Variants in EYS observed in about 807,000 individuals in gnomAD.
EYS encodes the protein EGF-like photoreceptor maintenance factor, also known as protein eyes shut homolog.
In EYS, 250 loss-of-function variants were observed where a neutral mutation model predicts 282.1. The observed-to-expected ratio is 0.89, with a 90% CI of 0.80 to 0.98. The LOEUF (loss-of-function observed/expected upper bound fraction) is 0.98. Ranked by LOEUF, EYS falls within the 50% of genes least tolerant of loss-of-function variation. The pLI, the probability that EYS is intolerant of heterozygous loss-of-function variation, is 0.00. For synonymous variants in EYS, 1,355 were observed against 1,282.9 expected (o/e 1.06, Z -1.20); for missense variants, 4,016 against 3,709.0 (o/e 1.08, Z -2.15).
rs1399631904 is a variant in EYS at position 63,726,504 on chromosome 6, G to A, written c.8233+15C>T. 5.2e-6 allele frequency: 8 copies of A among 1,542,766 alleles called. No individual in the cohort carries two copies. Among genetic ancestry groups the A allele is most frequent in the Non-Finnish European group, 7.0e-6 (8 of 1,142,942 alleles). On this transcript the variant is annotated intron_variant, in intron 42 of 42. Coordinates refer to ENST00000503581, the MANE Select transcript of EYS (RefSeq NM_001142800.2). ...TAGGAATTCATTCTGCAAACAAACA[G>A]CCTGCCAATCTTACCTGATTGGGCT... is the stretch of plus-strand genomic sequence containing the variant.
chr6:64,362,819 A>AT (rs1013853215), intron 29 of EYS, among the ~76,000 whole-genome samples: 11 of 151,840 alleles, frequency 7.2e-5, no homozygotes, highest in African/African-American at 2.7e-4. Flanking sequence ...GGTTATTATT[A>AT]TAAAGCCACT....
intron 9 of EYS, 54 bp downstream of exon 9, chr6:65,353,404 A>T: frequency 6.6e-7 from 1 of 1,515,906 alleles, no homozygotes; most frequent in Non-Finnish European, 9.2e-7. Context: ...ATACGTGACT[A>T]GCAAATTTTG....
At chr6:63,963,111 G>T (rs1052192382) in intron 35 of EYS, among the ~76,000 whole-genome samples, 2 of 150,802 alleles carry the variant, frequency 1.3e-5, no homozygotes, top group Non-Finnish European at 3.0e-5. Flanking sequence ...GCCTGTTGTG[G>T]GGTGGGGGGA....
chr6:64,993,813 T>C (rs2150124022), intron 14 of EYS, among the ~76,000 whole-genome samples: 1 of 151,374 alleles, frequency 6.6e-6, no homozygotes, highest in Admixed American at 6.6e-5. Context: ...TTTTTTTTTT[T>C]AGAAGACATA....
chr6:64,137,744 A>C (rs1774209233), intron 31 of EYS, among the ~76,000 whole-genome samples: 1 of 152,126 alleles, frequency 6.6e-6, no homozygotes, highest in African/African-American at 2.4e-5. Context: ...AAACAATGAC[A>C]GTAGTAATAT....
intron 26 of EYS, among the ~76,000 whole-genome samples, chr6:64,551,672 GACCACAAGC>G (rs1765087384): frequency 6.6e-6 from 1 of 151,550 alleles, no homozygotes; most frequent in Non-Finnish European, 1.5e-5. Flanking sequence ...GAGTACCAAG[GACCACAAGC>G]ACCCGCCACC....
chr6:64,090,007 G>T (rs945729934), intron 31 of EYS, among the ~76,000 whole-genome samples: 3 of 151,944 alleles, frequency 2.0e-5, no homozygotes, highest in Non-Finnish European at 4.4e-5. Context: ...ATCATGATTT[G>T]CTATTTGATC....
intron 22 of EYS, among the ~76,000 whole-genome samples, chr6:64,760,087 T>G (rs572726083): frequency 6.6e-6 from 1 of 152,218 alleles, no homozygotes; most frequent in Non-Finnish European, 1.5e-5. Context: ...TTACACTTGT[T>G]GGAATGCTGA....
chr6:64,465,297 A>C (rs1344177560), intron 26 of EYS, among the ~76,000 whole-genome samples: 1 of 152,138 alleles, frequency 6.6e-6, no homozygotes, highest in Non-Finnish European at 1.5e-5. Flanking sequence ...AAAATCCTGG[A>C]TAGCCAAAGC....
intron 17 of EYS, 52 bp downstream of exon 17, chr6:64,902,352 A>T: frequency 5.2e-6 from 7 of 1,341,246 alleles, no homozygotes; most frequent in Non-Finnish European, 6.2e-6. Flanking sequence ...CTATACCTGT[A>T]TACATCTAGA....
At chr6:65,157,771 G>T (rs530141677) in intron 12 of EYS, among the ~76,000 whole-genome samples, 5 of 150,246 alleles carry the variant, frequency 3.3e-5, no homozygotes, top group Non-Finnish European at 7.5e-5. Flanking sequence ...TTAGGAAAAG[G>T]TTATATTTTT....
At chr6:64,065,007 C>T (rs900279739) in intron 33 of EYS, among the ~76,000 whole-genome samples, 1 of 152,098 alleles carries the variant, frequency 6.6e-6, no homozygotes, top group East Asian at 1.9e-4. Context: ...GATTTCATTA[C>T]CTTAGAGTAA....
chr6:63,741,267 A>G (rs1769069194), intron 41 of EYS, among the ~76,000 whole-genome samples: 1 of 152,304 alleles, frequency 6.6e-6, no homozygotes, highest in East Asian at 1.9e-4. Flanking sequence ...AATAATATTT[A>G]TATTTACTCC....
At chr6:65,474,551 A>T (rs939992733) in intron 5 of EYS, among the ~76,000 whole-genome samples, 4 of 152,122 alleles carry the variant, frequency 2.6e-5, no homozygotes, top group Non-Finnish European at 5.9e-5. Context: ...AGCACCATGT[A>T]TAAGGAAGCC....
chr6:64,537,485 T>C (rs572611930), intron 26 of EYS, among the ~76,000 whole-genome samples: 1 of 152,294 alleles, frequency 6.6e-6, no homozygotes, highest in South Asian at 2.1e-4. Context: ...ACATTCTGAC[T>C]TTTTAAAAAG....
intron 31 of EYS, among the ~76,000 whole-genome samples, chr6:64,168,098 T>C (rs919091619): frequency 6.6e-6 from 1 of 152,008 alleles, no homozygotes; most frequent in African/African-American, 2.4e-5. Flanking sequence ...CCGTCTCTAC[T>C]AAAAATACAA....
intron 2 of EYS, among the ~76,000 whole-genome samples, chr6:65,524,211 C>G (rs1163511010): frequency 1.3e-5 from 2 of 151,112 alleles, no homozygotes; most frequent in African/African-American, 4.9e-5. Context: ...ATTAATCACC[C>G]TGGCCTGCAC....
In EYS at chr6:65,515,757, C is replaced by T. The variant is rs902763223; in HGVS notation, c.-332-19764G>A. Among the ~76,000 whole-genome samples, 5 of 125,696 alleles carry T rather than the reference C, an allele frequency of 4.0e-5. No homozygotes were observed. In the Admixed American group the frequency reaches 4.4e-4, roughly 11 times the overall value. The allele number at this position is 125,696 out of a possible 152,430, so 82.5% of individuals were successfully genotyped here. A position where few individuals can be genotyped will look rare whatever the true frequency, so the allele number is the denominator to read the frequency against. On this transcript the variant is annotated intron_variant, in intron 2 of 42. Coordinates refer to ENST00000503581, the MANE Select transcript of EYS (RefSeq NM_001142800.2). ...ATTGAACAATGAGAACACACGGACA[C>T]AGGAAGGGGAACATCACACTCTGGG...
intron 15 of EYS, among the ~76,000 whole-genome samples, chr6:64,922,265 T>C (rs1458997151): frequency 2.0e-5 from 3 of 152,234 alleles, no homozygotes; most frequent in Non-Finnish European, 4.4e-5. Flanking sequence ...GGGAAGATTC[T>C]GCTTGTTTCT....
Sources: gnomAD v4.1 joint callset for allele counts (sites outside exome capture counted in the v4.1 genomes callset) on GRCh38, gnomAD v4.1.1 for gene constraint, MANE v1.5 for transcripts, NCBI Gene and HGNC (gene_info 2026-07-23, HGNC 2026-07-21) for gene names.